The following TANGO6 variants were observed in gnomAD, a reference collection of about 807,000 sequenced individuals.
The protein encoded by TANGO6 is transport and golgi organization 6 homolog.
TANGO6 carries 90 observed loss-of-function variants against 114.2 expected under a neutral mutation model. The observed-to-expected ratio is 0.79, with a 90% CI of 0.66 to 0.94. The LOEUF (loss-of-function observed/expected upper bound fraction) is 0.94. Among genes scored for constraint, TANGO6 ranks in the 40% least tolerant of loss-of-function variants. The pLI is 0.00. For synonymous variants in TANGO6, 477 were observed against 509.8 expected (o/e 0.94, Z 0.87); for missense variants, 1,274 against 1,315.3 (o/e 0.97, Z 0.49).
intron 16 of TANGO6, among the ~76,000 whole-genome samples, chr16:69,030,350 C>T (rs900914088): frequency 6.6e-6 from 1 of 151,862 alleles, no homozygotes; most frequent in African/African-American, 2.4e-5. Context: ...TGGTCAAGTT[C>T]GGGTATTGGC....
chr16:69,062,817 C>T (rs113875238), intron 17 of TANGO6, among the ~76,000 whole-genome samples: 1 of 150,338 alleles, frequency 6.7e-6, no homozygotes, highest in Non-Finnish European at 1.5e-5. Context: ...AAGAATCAGC[C>T]AGGCGCAGTG....
chr16:68,965,540 G>T (rs984316933), intron 14 of TANGO6, among the ~76,000 whole-genome samples: 1 of 152,096 alleles, frequency 6.6e-6, no homozygotes, highest in African/African-American at 2.4e-5. Context: ...GGTAGCTCAC[G>T]CCTGTAATCC....
chr16:68,920,814 C>T (rs551856357), intron 12 of TANGO6, among the ~76,000 whole-genome samples: 122 of 151,990 alleles, frequency 8.0e-4, no homozygotes, highest in Non-Finnish European at 1.4e-3. Context: ...AAAAAAAAAG[C>T]TTTTGGTTCA....
At chr16:69,043,216 A>C (rs780699514) in intron 17 of TANGO6, among the ~76,000 whole-genome samples, 3 of 151,804 alleles carry the variant, frequency 2.0e-5, no homozygotes, top group Admixed American at 6.6e-5. Context: ...ACAGAGAGAG[A>C]CTCTGTAAGT....
At chr16:68,914,705 A>G (rs373610236) in intron 11 of TANGO6, among the ~76,000 whole-genome samples, 3 of 152,128 alleles carry the variant, frequency 2.0e-5, no homozygotes, top group African/African-American at 7.2e-5. Flanking sequence ...TCACACACCT[A>G]TTCTTGTGGC....
chr16:69,072,026 C>CGTGTGTGT (rs58310609), intron 17 of TANGO6, among the ~76,000 whole-genome samples: 4,660 of 92,886 alleles, frequency 0.05, 262 homozygotes, highest in African/African-American at 0.062. Flanking sequence ...AGAGGGAGAC[C>CGTGTGTGT]GTGTGTGTGT....
intron 14 of TANGO6, among the ~76,000 whole-genome samples, chr16:68,972,281 A>G (rs1018386508): frequency 1.3e-5 from 2 of 152,110 alleles, no homozygotes; most frequent in African/African-American, 4.8e-5. Flanking sequence ...AGACAGGTGC[A>G]GCCCTCAGCA....
At position 68,927,661 on chromosome 16, in the gene TANGO6, G is replaced by T; in HGVS notation, c.2221G>T (p.Ala741Ser). 6.2e-7 allele frequency: 1 copy of T among 1,613,978 alleles called. No individual in the cohort carries two copies. The change falls in exon 13 of 18, where the codon GCT becomes TCT. Residue 741 changes from alanine to serine, a missense_variant. This residue lies in a region of TANGO6 where 908 missense variants were observed against 910.2 expected (regional missense o/e 1.00). Transcript: ENST00000261778. ...CCCTGATCCGGTCATCCAAGAACTC[G>T]CTGTTGATCTCCGCATCACCATCTC... Reference protein sequence around the residue: ...TYPDPVIQELAVDLRITISTH... With the variant: ...TYPDPVIQELSVDLRITISTH...
intron 14 of TANGO6, among the ~76,000 whole-genome samples, chr16:68,954,624 C>A (rs1963507763): frequency 6.6e-6 from 1 of 152,232 alleles, no homozygotes; most frequent in African/African-American, 2.4e-5. Flanking sequence ...CTCACCTCTT[C>A]ACCACTGATG....
chr16:68,930,494 TG>T (rs1157777621), intron 14 of TANGO6, among the ~76,000 whole-genome samples, 199 bp downstream of exon 14: 2 of 152,132 alleles, frequency 1.3e-5, no homozygotes, highest in Non-Finnish European at 2.9e-5. Context: ...AGAGTTTCAG[TG>T]TCTCATAATG....
In TANGO6 at chr16:68,878,208, C is replaced by T. The variant is rs770819768; in HGVS notation, c.1222C>T (p.Arg408Cys). The T allele has an allele frequency of 1.2e-5, 19 of 1,613,238 alleles. No homozygotes were observed. Among genetic ancestry groups the T allele is most frequent in the East Asian group, 2.2e-5 (1 of 44,842 alleles). ...TTTFITLSRE[R>C]PHLAAKYLLQ... is the part of the protein sequence containing the mutation. ...TACCTTTATAACTTTGTCAAGAGAA[C>T]GCCCACATTTGGCAGCAAAGTATTT... is the stretch of plus-strand genomic sequence containing the variant. The change falls in exon 6 of 18, where the codon CGC (arginine) becomes TGC (cysteine). Residue 408 changes from arginine (R) to cysteine (C), a missense_variant. By Grantham distance (180) the Arg-to-Cys change is radical. Around this residue, in one of 5 missense-constraint regions of TANGO6, gnomAD observed 908 missense variants for 910.2 expected, o/e 1.00. Transcript: ENST00000261778.
At chr16:69,057,919 G>A (rs940926783) in intron 17 of TANGO6, among the ~76,000 whole-genome samples, 1 of 152,086 alleles carries the variant, frequency 6.6e-6, no homozygotes, top group African/African-American at 2.4e-5. Context: ...CACAGACTAC[G>A]CGATTCAGCA....
At chr16:69,001,696 A>G (rs1389739671) in intron 15 of TANGO6, among the ~76,000 whole-genome samples, 1 of 152,226 alleles carries the variant, frequency 6.6e-6, no homozygotes, top group Non-Finnish European at 1.5e-5. Flanking sequence ...TCCTAAAAAG[A>G]AAGGAACACC....
intron 15 of TANGO6, among the ~76,000 whole-genome samples, chr16:68,983,733 GA>G (rs1963863154): frequency 6.6e-6 from 1 of 151,910 alleles, no homozygotes; most frequent in Admixed American, 6.6e-5. Context: ...GTCCGTTTTT[GA>G]AAAAATAGCT....
At chr16:68,964,164 C>A (rs1311584602) in intron 14 of TANGO6, among the ~76,000 whole-genome samples, 1 of 151,922 alleles carries the variant, frequency 6.6e-6, no homozygotes, top group Non-Finnish European at 1.5e-5. Flanking sequence ...ATATTCCCAA[C>A]ACAGAGAAAT....
At chr16:68,970,201 C>G (rs912436038) in intron 14 of TANGO6, among the ~76,000 whole-genome samples, 3 of 152,078 alleles carry the variant, frequency 2.0e-5, no homozygotes, top group African/African-American at 7.2e-5. Context: ...AGGGATATTT[C>G]TCCAAAAGAA....
chr16:68,879,112 A>G (rs893268504), intron 6 of TANGO6, among the ~76,000 whole-genome samples: 13 of 152,106 alleles, frequency 8.5e-5, no homozygotes, highest in Non-Finnish European at 1.6e-4. Context: ...AACTATGTCT[A>G]AATAAATAGA....
intron 4 of TANGO6, among the ~76,000 whole-genome samples, chr16:68,873,739 A>C (rs1962313979): frequency 6.6e-6 from 1 of 152,164 alleles, no homozygotes. Context: ...GAACATTTTT[A>C]TTCTACATTG....
At chr16:68,953,050 T>TTTTTATTA (rs1555525236) in intron 14 of TANGO6, among the ~76,000 whole-genome samples, 1 of 139,208 alleles carries the variant, frequency 7.2e-6, no homozygotes, top group East Asian at 2.1e-4. Context: ...ACAGGTATTT[T>TTTTTATTA]TTATTATTAT....
Sources: gnomAD v4.1 joint callset for allele counts (sites outside exome capture counted in the v4.1 genomes callset) on GRCh38, gnomAD v4.1.1 for gene constraint, gnomAD v4.1.1 regional missense constraint, MANE v1.5 for transcripts, NCBI Gene and HGNC (gene_info 2026-07-23, HGNC 2026-07-21) for gene names.